The following EYA3 variants were observed in gnomAD, a reference collection of about 807,000 sequenced individuals.
EYA3 encodes the protein EYA transcriptional coactivator and phosphatase 3, also known as protein phosphatase EYA3.
Under a neutral mutation model 80.0 loss-of-function variants are expected in EYA3, and 39 were observed. The ratio of observed to expected loss-of-function variants is 0.49; its 90% confidence interval spans 0.38 to 0.64. The LOEUF (loss-of-function observed/expected upper bound fraction) is 0.64. Among genes scored for constraint, EYA3 ranks in the 30% least tolerant of loss-of-function variants. EYA3 has a pLI of 0.00. For synonymous variants in EYA3, 206 were observed against 232.8 expected, an observed-to-expected ratio of 0.88 and a Z score of 1.05; for missense variants, 523 against 676.1, an observed-to-expected ratio of 0.77 and a Z score of 2.51.
At chr1:28,069,209 C>T (rs1024056755) in intron 1 of EYA3, among the ~76,000 whole-genome samples, 1 of 152,088 alleles carries the variant, frequency 6.6e-6, no homozygotes, top group African/African-American at 2.4e-5. Context: ...CTCCTGGGTT[C>T]AAGCAATTCT....
At chr1:28,022,334 G>A (rs1642495734) in intron 7 of EYA3, among the ~76,000 whole-genome samples, 1 of 151,898 alleles carries the variant, frequency 6.6e-6, no homozygotes, top group African/African-American at 2.4e-5. Context: ...ATTTTTAGTA[G>A]AGACAGGATT....
rs376935492 is a variant in EYA3, at chr1:28,073,179, C to T, written c.-68-15085G>A. 2.1e-4 allele frequency among the ~76,000 whole-genome samples: 24 copies of T among 116,822 alleles called. No homozygotes were observed. In the East Asian group the frequency reaches 2.9e-3, roughly 14 times the overall value. 76.6% of individuals were successfully genotyped at this position (116,822 alleles called of 152,430 possible). On this transcript the variant is annotated intron_variant, in intron 1 of 17. Transcript: ENST00000373871. Reference sequence around the variant, plus strand: ...ATAGAGTTTCACTCTGTTGCCCAGGCTGGAGTGCAGTGGCGTGATCTTGGC... The same window carrying T: ...ATAGAGTTTCACTCTGTTGCCCAGGTTGGAGTGCAGTGGCGTGATCTTGGC...
chr1:28,035,818 A>T lies in EYA3; in HGVS notation c.225-138T>A, dbSNP rs1385710528. ...TTCCACATAAAATGGCTCTTTTCAA[A>T]AATTTTTTATTTTTGAGACAGAGTC... On this transcript the variant is annotated intron_variant, in intron 5 of 17. Transcript: ENST00000373871. The T allele has an allele frequency of 7.4e-6, 6 of 805,850 alleles. No individual in the cohort carries two copies. In the African/African-American group the frequency reaches 8.8e-5, roughly 12 times the overall value. 49.9% of individuals were successfully genotyped at this position (805,850 alleles called of 1,614,324 possible).
chr1:27,988,705 G>T, intron 15 of EYA3, 49 bp from the exon 16 acceptor site: 2 of 1,599,386 alleles, frequency 1.3e-6, no homozygotes, highest in Non-Finnish European at 1.7e-6. Context: ...AACCAACCTG[G>T]GAGCAAGAAT....
chr1:27,983,930 C>T (rs1376282611), intron 16 of EYA3, among the ~76,000 whole-genome samples: 1 of 151,958 alleles, frequency 6.6e-6, no homozygotes, highest in Non-Finnish European at 1.5e-5. Context: ...GCTGGGATTA[C>T]AGGCATGAGC....
At chr1:28,011,732 G>A (rs549325851) in intron 9 of EYA3, among the ~76,000 whole-genome samples, 1 of 152,292 alleles carries the variant, frequency 6.6e-6, no homozygotes, top group African/African-American at 2.4e-5. Context: ...GAGAAAAAGA[G>A]ACGGGAGGAT....
chr1:28,064,052 A>G (rs1459375612), intron 1 of EYA3, among the ~76,000 whole-genome samples: 1 of 152,190 alleles, frequency 6.6e-6, no homozygotes, highest in Non-Finnish European at 1.5e-5. Context: ...TAAAACAGAA[A>G]GCCAAATAGT....
chr1:28,082,839 T>C (rs1645479107), intron 1 of EYA3, among the ~76,000 whole-genome samples: 1 of 152,176 alleles, frequency 6.6e-6, no homozygotes, highest in Non-Finnish European at 1.5e-5. Flanking sequence ...CCAAAGTAAT[T>C]AACTTCCATA....
At chr1:28,082,597 T>C (rs1645467425) in intron 1 of EYA3, among the ~76,000 whole-genome samples, 1 of 152,170 alleles carries the variant, frequency 6.6e-6, no homozygotes, top group Non-Finnish European at 1.5e-5. Context: ...GAGATGAATG[T>C]CCTTAATTTC....
At chr1:28,078,821 C>G (rs1215913750) in intron 1 of EYA3, among the ~76,000 whole-genome samples, 1 of 152,182 alleles carries the variant, frequency 6.6e-6, no homozygotes, top group Non-Finnish European at 1.5e-5. Context: ...TTCCCCAATG[C>G]TATACACATA....
At chr1:28,043,774 G>T (rs1643902182) in intron 3 of EYA3, among the ~76,000 whole-genome samples, 1 of 152,212 alleles carries the variant, frequency 6.6e-6, no homozygotes, top group African/African-American at 2.4e-5. Context: ...GGAGGCAGAA[G>T]TTGCAGTGAT....
intron 16 of EYA3, among the ~76,000 whole-genome samples, chr1:27,983,296 A>G (rs534224330): frequency 6.6e-6 from 1 of 152,316 alleles, no homozygotes; most frequent in East Asian, 1.9e-4. Context: ...TCTAAAGTAT[A>G]TATATATCTT....
chr1:28,076,545 T>C (rs1645208318), intron 1 of EYA3, among the ~76,000 whole-genome samples: 2 of 151,494 alleles, frequency 1.3e-5, no homozygotes, highest in Admixed American at 1.3e-4. Context: ...ACTCTGTCTC[T>C]ACTAAAAATA....
At chr1:28,025,525 C>T (rs1642725202) in intron 7 of EYA3, among the ~76,000 whole-genome samples, 1 of 152,168 alleles carries the variant, frequency 6.6e-6, no homozygotes, top group African/African-American at 2.4e-5. Context: ...GGCTCTCCCT[C>T]TCTAAAATGA....
intron 7 of EYA3, 83 bp downstream of exon 7, chr1:28,027,706 T>A: frequency 6.5e-7 from 1 of 1,549,656 alleles, no homozygotes; most frequent in Non-Finnish European, 8.9e-7. Context: ...TTATCCAATT[T>A]GTTTGTTTGG....
intron 2 of EYA3, among the ~76,000 whole-genome samples, chr1:28,057,512 A>T (rs1644475955): frequency 6.6e-6 from 1 of 152,156 alleles, no homozygotes; most frequent in African/African-American, 2.4e-5. Context: ...GGGACATTTA[A>T]AATTATTTTA....
At position 27,971,013 on chromosome 1, in the gene EYA3, C is replaced by T. The variant is rs1478274849; in HGVS notation, c.*3453G>A. 1 of 152,232 alleles carries T rather than the reference C, an allele frequency of 6.6e-6. No homozygotes were observed. Among genetic ancestry groups the T allele is most frequent in the East Asian group, 1.9e-4 (1 of 5,196 alleles). The allele number at this position is 152,232 out of a possible 1,614,324, so 9.4% of individuals were successfully genotyped here. On this transcript the variant is annotated 3_prime_UTR_variant, in exon 18 of 18. Transcript: ENST00000373871. ...AATTTTAAAGCTGAGTTTGTGTAAA[C>T]TGCGAACAAGCTGTGGCATCAGTCT...
In EYA3 at chr1:27,989,692, C is replaced by G; in HGVS notation, c.1418+5G>C. The G allele has an allele frequency of 6.3e-7, 1 of 1,582,736 alleles. No homozygotes were observed. The highest frequency in any genetic ancestry group is 1.1e-5 in the South Asian group (1 of 88,978). ...GGATGAGACCTAAAAGAACCATTTC[C>G]ATACCTGGACTGGATGAGAAGTAAG... On this transcript the variant is annotated splice_donor_5th_base_variant and intron_variant, in intron 15 of 17. Coordinates refer to ENST00000373871, the MANE Select transcript of EYA3 (RefSeq NM_001990.4).
chr1:27,972,490 T>G lies in EYA3; in HGVS notation c.*1976A>C, dbSNP rs979262848. 2.0e-5 allele frequency: 3 copies of G among 152,202 alleles called. No individual in the cohort carries two copies. The highest frequency in any genetic ancestry group is 2.0e-4 in the Admixed American group (3 of 15,274). 9.4% of individuals were successfully genotyped at this position (152,202 alleles called of 1,614,324 possible). On this transcript the variant is annotated 3_prime_UTR_variant, in exon 18 of 18. Transcript: ENST00000373871. ...TTCTGAAGGAATGTGTATACCAGCC[T>G]CTCTCTCTTGCTATCTGGGTGGCCT... is the stretch of plus-strand genomic sequence containing the variant.
Sources: allele counts gnomAD v4.1 joint callset (sites outside exome capture counted in the v4.1 genomes callset), GRCh38; gene constraint gnomAD v4.1.1; transcripts MANE v1.5; gene names NCBI Gene and HGNC (gene_info 2026-07-23, HGNC 2026-07-21).